The following HUWE1 variants were observed in gnomAD, a reference collection of about 807,000 sequenced individuals.
The protein encoded by HUWE1 is E3 ubiquitin-protein ligase HUWE1.
In HUWE1, 18 loss-of-function variants were observed where a neutral mutation model predicts 299.4. The ratio of observed to expected loss-of-function variants is 0.06; its 90% CI spans 0.04 to 0.09. HUWE1 has a LOEUF of 0.09. HUWE1 is among the 10% of genes least tolerant of loss of function. The pLI is 1.00. For missense variants in HUWE1, 1,832 were observed against 3,462.3 expected (o/e 0.53, Z 11.82); for synonymous variants, 1,317 against 1,286.1 (o/e 1.02, Z -0.51).
At chrX:53,620,914 G>A (rs1402063379) in intron 19 of HUWE1, among the ~76,000 whole-genome samples, 1 of 111,380 alleles carries the variant, frequency 9.0e-6, no homozygotes. Flanking sequence ...GAAGGTCTCT[G>A]CCAAAGTCCT....
chrX:53,563,081 T>G (rs1422388454), intron 52 of HUWE1, 152 bp from the exon 53 acceptor site: 15 of 488,396 alleles, frequency 3.1e-5, no homozygotes, highest in Non-Finnish European at 4.7e-5. Flanking sequence ...GCTAGCTAGG[T>G]GAGCTTGGCC....
chrX:53,677,478 A>C (rs1198314278), intron 3 of HUWE1, among the ~76,000 whole-genome samples: 1 of 109,731 alleles, frequency 9.1e-6, no homozygotes, highest in African/African-American at 3.3e-5. Context: ...TGGGAGTCAG[A>C]ACTTGAACTC....
At position 53,675,472 on chromosome X, in the gene HUWE1, G is replaced by A. The variant is rs948122839; in HGVS notation, c.-25+4577C>T. ...GGCTATATCATGCATAGACAGTGCA[G>A]GGGAAGAAATGATGACACAAAGGAA... On this transcript the variant is annotated intron_variant, in intron 3 of 83. Coordinates refer to ENST00000262854, the MANE Select transcript of HUWE1 (RefSeq NM_031407.7). Among the ~76,000 whole-genome samples the A allele has an allele frequency of 1.1e-4, 12 of 111,494 alleles. No homozygotes were observed. In the East Asian group the frequency reaches 3.1e-3, roughly 29 times the overall value.
intron 44 of HUWE1, 94 bp downstream of exon 44, chrX:53,576,806 T>G: frequency 1.1e-6 from 1 of 881,314 alleles, no homozygotes; most frequent in Non-Finnish European, 1.7e-6. Context: ...GGGCACATAG[T>G]GAGTGCTCAC....
At chrX:53,543,419 G>A (rs968600983) in intron 73 of HUWE1, among the ~76,000 whole-genome samples, 15 of 111,012 alleles carry the variant, frequency 1.4e-4, no homozygotes, top group Middle Eastern at 9.1e-3. Flanking sequence ...AGGGTGGAGG[G>A]AGCAGCCACA....
chrX:53,612,373 A>G (rs782327593), intron 23 of HUWE1, among the ~76,000 whole-genome samples: 23 of 112,275 alleles, frequency 2.0e-4, no homozygotes, highest in African/African-American at 7.4e-4. Context: ...GAAGTTACAT[A>G]TAACTATCAC....
intron 78 of HUWE1, 93 bp downstream of exon 78, chrX:53,537,463 C>A: frequency 2.1e-6 from 2 of 948,086 alleles, no homozygotes; most frequent in Non-Finnish European, 3.0e-6. Flanking sequence ...GAGGGCAGCA[C>A]CTCCCTAAAT....
At chrX:53,590,920 A>G (rs2064124547) in intron 34 of HUWE1, 80 bp downstream of exon 34, 44 of 1,109,066 alleles carry the variant, frequency 4.0e-5, no homozygotes, top group Non-Finnish European at 5.5e-5. Flanking sequence ...AGGAAGACCA[A>G]TGACAGAATA....
chrX:53,555,722 G>A (rs1324493758), intron 60 of HUWE1, among the ~76,000 whole-genome samples: 2 of 103,991 alleles, frequency 1.9e-5, no homozygotes, highest in Non-Finnish European at 3.9e-5. Flanking sequence ...GCTCACTGAA[G>A]CCTCCACTTC....
intron 33 of HUWE1, 121 bp from the exon 34 acceptor site, chrX:53,591,243 T>A: frequency 1.1e-5 from 9 of 791,756 alleles, no homozygotes; most frequent in Non-Finnish European, 1.7e-5. Flanking sequence ...TGAGAGCATT[T>A]ATGAGCTAGG....
intron 70 of HUWE1, among the ~76,000 whole-genome samples, chrX:53,545,456 A>G (rs2061505541): frequency 8.9e-6 from 1 of 111,788 alleles, no homozygotes; most frequent in South Asian, 3.8e-4. Context: ...GAAATCCCAT[A>G]TATCTCTCAA....
At position 53,593,585 on chromosome X, in the gene HUWE1, G is replaced by C. The variant is rs782356520; in HGVS notation, c.3520C>G (p.Leu1174Val). The C allele has an allele frequency of 1.2e-5, 14 of 1,200,438 alleles. No homozygotes were observed. The highest frequency in any genetic ancestry group is 4.4e-5 in the Admixed American group (2 of 45,820). Residue 1174 changes from leucine (L) to valine (V), a missense_variant, in exon 32 of 84, where the codon CTG becomes GTG. By Grantham distance (32) the Leu-to-Val change is conservative (BLOSUM62 1). Coordinates refer to ENST00000262854, the MANE Select transcript of HUWE1 (RefSeq NM_031407.7). ...NALFETFNWA[L>V]SMGGKVPVSE... Reference sequence around the variant, plus strand: ...ACAGGAACTTTACCTCCCATGGACAGAGCCCAGTTGAAAGTTCTAAATTCA... The same window carrying C: ...ACAGGAACTTTACCTCCCATGGACACAGCCCAGTTGAAAGTTCTAAATTCA...
At chrX:53,630,673 TAA>T (rs11317885) in intron 12 of HUWE1, among the ~76,000 whole-genome samples, 3 of 97,737 alleles carry the variant, frequency 3.1e-5, no homozygotes, top group East Asian at 3.1e-4. Context: ...GCATATCTAT[TAA>T]AAAAAAAAAA....
intron 3 of HUWE1, among the ~76,000 whole-genome samples, chrX:53,667,584 CT>C (rs2069309396): frequency 8.9e-6 from 1 of 112,208 alleles, no homozygotes; most frequent in Non-Finnish European, 1.9e-5. Context: ...CTCAAGTATG[CT>C]TTCTACTAAA....
intron 41 of HUWE1, 22 bp from the exon 42 acceptor site, chrX:53,583,938 G>A (rs1556970591): frequency 9.1e-7 from 1 of 1,103,420 alleles, no homozygotes; most frequent in Non-Finnish European, 1.3e-6. Context: ...GAAAATAACA[G>A]TTTTAGACAG....
At chrX:53,559,593 T>TA in intron 56 of HUWE1, 61 bp from the exon 57 acceptor site, 2 of 964,530 alleles carry the variant, frequency 2.1e-6, no homozygotes, top group African/African-American at 3.8e-5. Context: ...TGCAACCTGT[T>TA]ACCATGAGAT....
Position 53,554,914 on chromosome X carries a change from G to A in HUWE1, c.8213C>T (p.Thr2738Met), listed in dbSNP as rs1556932967. Residue 2738 changes from threonine to methionine, a missense_variant, in exon 61 of 84, where the codon ACG (threonine) becomes ATG (methionine). Around this residue, in one of 15 missense-constraint regions of HUWE1, gnomAD observed 143 missense variants for 148.1 expected, o/e 0.97. Coordinates refer to ENST00000262854, the MANE Select transcript of HUWE1 (RefSeq NM_031407.7). ...DSTEQNLSDG[T>M]PMPDSYPTTP... ...TGTTGGGTAGCTGTCAGGCATAGGC[G>A]TCCCATCTTTCTCGGAAAGAACAAT... 7 of 1,164,033 alleles carry A rather than the reference G, an allele frequency of 6.0e-6. No individual in the cohort carries two copies. The highest frequency in any genetic ancestry group is 3.6e-5 in the African/African-American group (2 of 55,668).
At chrX:53,543,008 C>T (rs1162282644) in intron 73 of HUWE1, 3 of 122,246 alleles carry the variant, frequency 2.5e-5, no homozygotes, top group South Asian at 5.6e-4. Context: ...TTTAAAAAGC[C>T]GACATCTTTT....
At chrX:53,615,551 C>T (rs1452054549) in intron 22 of HUWE1, among the ~76,000 whole-genome samples, 193 bp downstream of exon 22, 1 of 111,989 alleles carries the variant, frequency 8.9e-6, no homozygotes, top group East Asian at 2.8e-4. Flanking sequence ...ACAGAGACTT[C>T]TTTCTAAGAT....
Sources: allele counts gnomAD v4.1 joint callset (sites outside exome capture counted in the v4.1 genomes callset), GRCh38; gene constraint gnomAD v4.1.1; regional missense constraint gnomAD v4.1.1; transcripts MANE v1.5; gene names NCBI Gene and HGNC (gene_info 2026-07-23, HGNC 2026-07-21).